Variants in LACTB observed in about 807,000 individuals in gnomAD.
LACTB encodes serine beta-lactamase-like protein LACTB, mitochondrial.
A neutral mutation model predicts 50.2 loss-of-function variants in LACTB; 35 were observed. That is an observed-to-expected ratio of 0.70 (90% CI 0.53 to 0.92). The LOEUF (loss-of-function observed/expected upper bound fraction) is 0.92, where lower values mean the gene tolerates loss of function less well. LACTB is among the 40% of genes least tolerant of loss of function. LACTB has a pLI of 0.00. For missense variants in LACTB, 664 were observed against 691.8 expected, an observed-to-expected ratio of 0.96 and a Z score of 0.45; for synonymous variants, 252 against 268.2, an observed-to-expected ratio of 0.94 and a Z score of 0.59.
chr15:63,136,818 G>T (rs773434499), intron 5 of LACTB, among the ~76,000 whole-genome samples: 1 of 152,052 alleles, frequency 6.6e-6, no homozygotes, highest in Admixed American at 6.6e-5. Context: ...TTCCAGCTTC[G>T]TTATGTAGTC....
intron 4 of LACTB, among the ~76,000 whole-genome samples, chr15:63,128,942 C>T (rs1295040437): frequency 6.6e-6 from 1 of 152,092 alleles, no homozygotes; most frequent in East Asian, 1.9e-4. Flanking sequence ...AGGGTTTCAC[C>T]ATGTTGGCCA....
At chr15:63,139,653 C>G (rs575688729) in intron 5 of LACTB, among the ~76,000 whole-genome samples, 49 of 151,832 alleles carry the variant, frequency 3.2e-4, no homozygotes, top group Middle Eastern at 6.8e-3. Context: ...AAGTCTGTCT[C>G]AAAAATAAAT....
chr15:63,127,711 T>C (rs2037073250), intron 4 of LACTB, 22 bp downstream of exon 4: 2 of 1,422,682 alleles, frequency 1.4e-6, no homozygotes, highest in Non-Finnish European at 1.9e-6. Flanking sequence ...TCCCTTCTCT[T>C]AACAAAATCA....
chr15:63,124,956 A>T (rs1220910181), intron 2 of LACTB, among the ~76,000 whole-genome samples: 1 of 62,206 alleles, frequency 1.6e-5, no homozygotes, highest in African/African-American at 4.9e-5. Context: ...TGTCTCAAAA[A>T]AAAAGAAAAA....
chr15:63,141,468 A>C lies in LACTB; in HGVS notation c.1307A>C (p.Lys436Thr). Residue 436 changes from lysine to threonine, a missense_variant, in exon 6 of 6, where the codon AAA becomes ACA. Physicochemically the swap from Lys to Thr is moderately conservative, Grantham distance 78 (BLOSUM62 -1). Transcript: ENST00000261893. ...GAAAATCTTTTACCTGGATACCTCA[A>C]ACCAGAAACAATGGTTATGATGTGG... The part of the protein sequence containing the change: ...SNENLLPGYL[K>T]PETMVMMWTP... 2 of 1,614,242 alleles carry C rather than the reference A, an allele frequency of 1.2e-6. No individual in the cohort carries two copies. Among genetic ancestry groups the C allele is most frequent in the East Asian group, 4.5e-5 (2 of 44,896 alleles).
chr15:63,137,817 A>C (rs2037190703), intron 5 of LACTB, among the ~76,000 whole-genome samples: 1 of 152,104 alleles, frequency 6.6e-6, no homozygotes. Context: ...CTATTTCTAA[A>C]GTGTCTTCTA....
At chr15:63,131,318 CTT>C (rs2037130451) in intron 5 of LACTB, 1 of 152,260 alleles carries the variant, frequency 6.6e-6, no homozygotes, top group African/African-American at 2.4e-5. Context: ...TCCCTTCTCT[CTT>C]ATTTATTTAT....
Position 63,122,139 on chromosome 15 carries a change from C to T in LACTB, c.268C>T (p.Pro90Ser). The change falls in exon 1 of 6, where the codon CCG (proline) becomes TCG (serine). Residue 90 changes from proline to serine, a missense_variant. Pro to Ser is a moderately conservative substitution (Grantham distance 74). Coordinates refer to ENST00000261893, the MANE Select transcript of LACTB (RefSeq NM_032857.5). ...GCCGCCACAGGAGCAGTCCCTCGCC[C>T]CGTGGTCTCCGCAGACCCCGGCGCC... is the stretch of plus-strand genomic sequence containing the variant. Reference protein sequence around the residue: ...AEPPQEQSLAPWSPQTPAPPC... With the variant: ...AEPPQEQSLASWSPQTPAPPC... 1 of 1,500,804 alleles carries T rather than the reference C, an allele frequency of 6.7e-7. No homozygotes were observed. Among genetic ancestry groups the T allele is most frequent in the Non-Finnish European group, 8.8e-7 (1 of 1,132,852 alleles). The allele number at this position is 1,500,804 out of a possible 1,614,324, so 93.0% of individuals were successfully genotyped here.
At position 63,141,819 on chromosome 15, in the gene LACTB, A is replaced by G. The variant is rs2037232197; in HGVS notation, c.*14A>G. On this transcript the variant is annotated 3_prime_UTR_variant, in exon 6 of 6. Coordinates refer to ENST00000261893, the MANE Select transcript of LACTB (RefSeq NM_032857.5). ...AGATCAGACTGATAACCTTAACACC[A>G]TAGGTGCAAAATGAGTTGTTCTGAG... 1 of 1,591,160 alleles carries G rather than the reference A, an allele frequency of 6.3e-7. No individual in the cohort carries two copies. Among genetic ancestry groups the G allele is most frequent in the South Asian group, 1.1e-5 (1 of 89,958 alleles).
rs535606191 is a variant in LACTB at position 63,131,960 on chromosome 15, A to C, written c.1118+2310A>C. ...ACTCTGTCACCGCCCCCAACAAAAAAAAAAAAGAATATGATGATTATGTAA... is the reference window on the plus strand; with the variant it reads ...ACTCTGTCACCGCCCCCAACAAAAACAAAAAAGAATATGATGATTATGTAA... On this transcript the variant is annotated intron_variant, in intron 5 of 5. Coordinates refer to ENST00000261893, the MANE Select transcript of LACTB (RefSeq NM_032857.5). 6.6e-5 allele frequency among the ~76,000 whole-genome samples: 10 copies of C among 152,262 alleles called. No individual in the cohort carries two copies. In the East Asian group the frequency reaches 1.7e-3, roughly 26 times the overall value.
At chr15:63,139,888 A>G (rs994174882) in intron 5 of LACTB, among the ~76,000 whole-genome samples, 1 of 151,396 alleles carries the variant, frequency 6.6e-6, no homozygotes. Flanking sequence ...GCTTGAGGCC[A>G]GGAGTTCGAG....
At chr15:63,129,091 A>T (rs2141072218) in intron 4 of LACTB, among the ~76,000 whole-genome samples, 1 of 152,310 alleles carries the variant, frequency 6.6e-6, no homozygotes, top group Middle Eastern at 3.4e-3. Flanking sequence ...TGCCCTAAAC[A>T]ATGAGTAGAG....
intron 5 of LACTB, among the ~76,000 whole-genome samples, chr15:63,135,513 G>A (rs1214004349): frequency 2.0e-5 from 3 of 152,120 alleles, no homozygotes; most frequent in African/African-American, 7.2e-5. Flanking sequence ...CTTGAGCCTC[G>A]GTGTTCAAGA....
In LACTB at chr15:63,122,157, C is replaced by A. The variant is rs757381709; in HGVS notation, c.286C>A (p.Pro96Thr). Residue 96 changes from proline (P) to threonine (T), a missense_variant, in exon 1 of 6, where the codon CCG becomes ACG. Transcript: ENST00000261893. ...CCTCGCCCCGTGGTCTCCGCAGACCCCGGCGCCGCCCTGCTCCAGGTGCTT... is the reference window on the plus strand; with the variant it reads ...CCTCGCCCCGTGGTCTCCGCAGACCACGGCGCCGCCCTGCTCCAGGTGCTT... ...QSLAPWSPQT[P>T]APPCSRCFAR... is the part of the protein sequence containing the mutation. The A allele has an allele frequency of 1.3e-6, 2 of 1,515,186 alleles. No homozygotes were observed. The highest frequency in any genetic ancestry group is 5.2e-5 in the East Asian group (2 of 38,298). The allele number at this position is 1,515,186 out of a possible 1,614,324, so 93.9% of individuals were successfully genotyped here.
At chr15:63,135,556 A>C (rs1174397669) in intron 5 of LACTB, among the ~76,000 whole-genome samples, 2 of 152,130 alleles carry the variant, frequency 1.3e-5, no homozygotes, top group African/African-American at 4.8e-5. Context: ...ACCCTGTCAG[A>C]CAATACAAAA....
At position 63,141,571 on chromosome 15, in the gene LACTB, A is replaced by T. The variant is rs1171636891; in HGVS notation, c.1410A>T (p.Lys470Asn). ...YAMAWGVVERKQTYGSCRKQR... is the reference protein window; with the variant it reads ...YAMAWGVVERNQTYGSCRKQR... ...TGGCGTGGGGTGTTGTGGAAAGGAA[A>T]CAAACGTATGGTTCGTGTAGAAAGC... Residue 470 changes from lysine (K) to asparagine (N), a missense_variant, in exon 6 of 6, where the codon AAA becomes AAT. By Grantham distance (94) the Lys-to-Asn change is moderately conservative. Coordinates refer to ENST00000261893, the MANE Select transcript of LACTB (RefSeq NM_032857.5). 1 of 1,614,118 alleles carries T rather than the reference A, an allele frequency of 6.2e-7. No homozygotes were observed. Among genetic ancestry groups the T allele is most frequent in the African/African-American group, 1.3e-5 (1 of 74,944 alleles).
rs149582565 is a variant in LACTB, at chr15:63,128,870, A to G, written c.953-615A>G. Among the ~76,000 whole-genome samples, 817 of 152,010 alleles carry G rather than the reference A, an allele frequency of 5.4e-3. 6 individuals are homozygous for G. The highest frequency in any genetic ancestry group is 0.019 in the African/African-American group (791 of 41,434). On this transcript the variant is annotated intron_variant, in intron 4 of 5. Transcript: ENST00000261893. ...GCGATTTTCCTTCTTCAGCCCCCTG[A>G]GTAGCTGGGATTATGGGTGCCCGCC...
rs747348697 is a variant in LACTB at position 63,141,262 on chromosome 15, TTTC to T, written c.1119-15_1119-13del. On this transcript the variant is annotated splice_polypyrimidine_tract_variant and intron_variant, in intron 5 of 5. Transcript: ENST00000261893. ...GTGACTATGAAATTTTTCATGATCATTTCTTATTTCCTTTTAGATTTTATGTTT... is the reference window on the plus strand; with the variant it reads ...GTGACTATGAAATTTTTCATGATCATTTATTTCCTTTTAGATTTTATGTTT... The T allele has an allele frequency of 2.6e-6, 4 of 1,568,386 alleles. No homozygotes were observed. The highest frequency in any genetic ancestry group is 3.9e-5 in the Admixed American group (2 of 51,172).
chr15:63,131,438 T>G (rs2037132236), intron 5 of LACTB: 1 of 152,240 alleles, frequency 6.6e-6, no homozygotes, highest in Non-Finnish European at 1.5e-5. Flanking sequence ...ATAATAAAAC[T>G]GTAACAGTAA....
Sources: gnomAD v4.1 joint callset for allele counts (sites outside exome capture counted in the v4.1 genomes callset) on GRCh38, gnomAD v4.1.1 for gene constraint, MANE v1.5 for transcripts, NCBI Gene and HGNC (gene_info 2026-07-23, HGNC 2026-07-21) for gene names.